Variants in GRID2 observed in about 807,000 individuals in gnomAD.
GRID2 encodes the protein glutamate ionotropic receptor delta type subunit 2.
In GRID2, 33 loss-of-function variants were observed where a neutral mutation model predicts 114.8. The ratio of observed to expected loss-of-function variants is 0.29; its 90% CI spans 0.22 to 0.38. The LOEUF (loss-of-function observed/expected upper bound fraction) is 0.38. Ranked by LOEUF, GRID2 falls within the 10% of genes least tolerant of loss-of-function variation. The pLI is 1.00. For missense variants in GRID2, 1,184 were observed against 1,257.7 expected, an observed-to-expected ratio of 0.94 and a Z score of 0.89; for synonymous variants, 505 against 449.9, an observed-to-expected ratio of 1.12 and a Z score of -1.55.
chr4:93,230,477 C>G (rs1377156417), intron 7 of GRID2, among the ~76,000 whole-genome samples: 3 of 151,926 alleles, frequency 2.0e-5, no homozygotes, highest in Non-Finnish European at 4.4e-5. Context: ...AGAAAGTATT[C>G]TTCTATTTTT....
chr4:93,736,825 T>C (rs778618028), intron 14 of GRID2, among the ~76,000 whole-genome samples: 11 of 147,960 alleles, frequency 7.4e-5, no homozygotes, highest in Admixed American at 1.4e-4. Flanking sequence ...TTTGTATTTA[T>C]GGTAATCCTA....
chr4:92,811,382 A>T (rs1371019041), intron 2 of GRID2, among the ~76,000 whole-genome samples: 1 of 152,070 alleles, frequency 6.6e-6, no homozygotes, highest in Non-Finnish European at 1.5e-5. Context: ...TTTCAGTATT[A>T]TCTGTAAAAT....
chr4:93,108,045 G>C (rs1164411024), intron 3 of GRID2, among the ~76,000 whole-genome samples: 1 of 152,018 alleles, frequency 6.6e-6, no homozygotes, highest in East Asian at 1.9e-4. Flanking sequence ...ATAGATTTTT[G>C]ATCCACAGGC....
intron 1 of GRID2, among the ~76,000 whole-genome samples, chr4:92,489,567 C>T (rs1324531866): frequency 1.3e-5 from 2 of 151,984 alleles, no homozygotes; most frequent in African/African-American, 4.8e-5. Flanking sequence ...AAATAAGGGC[C>T]GGGCACGGTG....
chr4:93,164,823 GTAAA>G, intron 4 of GRID2: 1 of 353,420 alleles, frequency 2.8e-6, no homozygotes, highest in Admixed American at 3.0e-5. Context: ...GACAATTGGA[GTAAA>G]TAAAGTAAGC....
chr4:92,756,241 A>G (rs1560574376), intron 2 of GRID2, among the ~76,000 whole-genome samples: 1 of 152,090 alleles, frequency 6.6e-6, no homozygotes. Context: ...AATAACTCCT[A>G]TTTCCATCAA....
intron 1 of GRID2, among the ~76,000 whole-genome samples, chr4:92,559,449 T>A (rs529768683): frequency 1.3e-5 from 2 of 152,310 alleles, no homozygotes; most frequent in African/African-American, 4.8e-5. Context: ...CCAACATGCC[T>A]CAATGAGTAC....
chr4:93,076,448 C>T (rs919179509), intron 2 of GRID2, among the ~76,000 whole-genome samples: 3 of 151,780 alleles, frequency 2.0e-5, no homozygotes, highest in Non-Finnish European at 4.4e-5. Context: ...TTTAGATTTT[C>T]AGAAAAATGC....
intron 8 of GRID2, among the ~76,000 whole-genome samples, chr4:93,260,870 C>A (rs1011174167): frequency 2.6e-5 from 4 of 151,762 alleles, no homozygotes; most frequent in African/African-American, 9.7e-5. Flanking sequence ...CTGCAGAGAT[C>A]TTTATTACAT....
intron 8 of GRID2, among the ~76,000 whole-genome samples, chr4:93,281,763 A>G (rs1752673003): frequency 2.0e-5 from 3 of 152,018 alleles, no homozygotes; most frequent in Admixed American, 2.0e-4. Flanking sequence ...CATTCTCAAA[A>G]CTTTGACCAT....
Position 93,237,690 on chromosome 4 carries a change from G to A in GRID2, c.1126-681G>A, listed in dbSNP as rs190907354. On this transcript the variant is annotated intron_variant, in intron 7 of 15. Coordinates refer to ENST00000282020, the MANE Select transcript of GRID2 (RefSeq NM_001510.4). ...AAAAGAATGATAAACAAGAAAGAGA[G>A]AAGTATGACCTACATTGCCATCTGT... 7.8e-3 allele frequency among the ~76,000 whole-genome samples: 1,184 copies of A among 151,928 alleles called. 14 individuals are homozygous for A. Among genetic ancestry groups the A allele is most frequent in the African/African-American group, 0.027 (1,118 of 41,494 alleles).
At chr4:92,824,223 A>G (rs1369458538) in intron 2 of GRID2, among the ~76,000 whole-genome samples, 2 of 152,322 alleles carry the variant, frequency 1.3e-5, no homozygotes, top group East Asian at 3.9e-4. Context: ...AATAGAATCC[A>G]TAAAATATCA....
intron 1 of GRID2, among the ~76,000 whole-genome samples, chr4:92,334,586 GT>G (rs571631033): frequency 3.0e-4 from 43 of 145,580 alleles, no homozygotes; most frequent in Non-Finnish European, 3.0e-4. Context: ...GTCTCAACTC[GT>G]TTTTTTTTTT....
intron 3 of GRID2, among the ~76,000 whole-genome samples, chr4:93,107,290 C>A (rs1560886035): frequency 1.3e-5 from 2 of 151,954 alleles, no homozygotes; most frequent in Non-Finnish European, 1.5e-5. Flanking sequence ...TAGAGTGGGA[C>A]CCTGTCTCAA....
At chr4:92,967,304 A>G (rs1753216872) in intron 2 of GRID2, among the ~76,000 whole-genome samples, 1 of 151,988 alleles carries the variant, frequency 6.6e-6, no homozygotes. Context: ...TGAAACACCA[A>G]ATTGAATATA....
At chr4:92,957,708 A>T (rs1752512085) in intron 2 of GRID2, among the ~76,000 whole-genome samples, 1 of 151,996 alleles carries the variant, frequency 6.6e-6, no homozygotes, top group African/African-American at 2.4e-5. Context: ...TGTAATTTTG[A>T]TTGGGGTTGT....
At chr4:92,442,259 G>C (rs1733143750) in intron 1 of GRID2, among the ~76,000 whole-genome samples, 1 of 151,956 alleles carries the variant, frequency 6.6e-6, no homozygotes, top group Non-Finnish European at 1.5e-5. Context: ...ATCTGGGAAG[G>C]AGTCAGACAG....
intron 1 of GRID2, among the ~76,000 whole-genome samples, chr4:92,497,241 G>A (rs1723433935): frequency 6.6e-6 from 1 of 151,766 alleles, no homozygotes; most frequent in Non-Finnish European, 1.5e-5. Flanking sequence ...ATTTTTTATG[G>A]AATGCCACTT....
chr4:93,007,425 T>C (rs1721657163), intron 2 of GRID2, among the ~76,000 whole-genome samples: 1 of 152,116 alleles, frequency 6.6e-6, no homozygotes, highest in Non-Finnish European at 1.5e-5. Context: ...TCGTGAGAAA[T>C]CTTCACAGCA....
Sources: gnomAD v4.1 joint callset for allele counts (sites outside exome capture counted in the v4.1 genomes callset) on GRCh38, gnomAD v4.1.1 for gene constraint, MANE v1.5 for transcripts, NCBI Gene and HGNC (gene_info 2026-07-23, HGNC 2026-07-21) for gene names.